TRIM67: variants seen among roughly 807,000 people sequenced by gnomAD.
The protein encoded by TRIM67 is tripartite motif-containing protein 67.
A neutral mutation model predicts 71.0 loss-of-function variants in TRIM67; 39 were observed. The ratio of observed to expected loss-of-function variants is 0.55; its 90% CI spans 0.43 to 0.72. TRIM67 has a LOEUF of 0.72. Among genes scored for constraint, TRIM67 ranks in the 30% least tolerant of loss-of-function variants. TRIM67 has a pLI of 0.00. For missense variants in TRIM67, 973 were observed against 1,079.2 expected, an observed-to-expected ratio of 0.90 and a Z score of 1.38; for synonymous variants, 481 against 473.9, an observed-to-expected ratio of 1.01 and a Z score of -0.19.
At chr1:231,183,914 G>T (rs912223119) in intron 1 of TRIM67, among the ~76,000 whole-genome samples, 46 of 152,230 alleles carry the variant, frequency 3.0e-4, no homozygotes, top group Middle Eastern at 3.4e-3. Flanking sequence ...GGCTCCCAAG[G>T]CTTCCCCAAG....
chr1:231,205,444 G>A (rs925000965), intron 6 of TRIM67, among the ~76,000 whole-genome samples: 43 of 152,180 alleles, frequency 2.8e-4, no homozygotes, highest in African/African-American at 9.9e-4. Flanking sequence ...TATCTTTGGG[G>A]GCCAGGCACG....
Position 231,217,735 on chromosome 1 carries a change from G to T in TRIM67, c.*2295G>T, listed in dbSNP as rs546135584. On this transcript the variant is annotated 3_prime_UTR_variant, in exon 10 of 10. Coordinates refer to ENST00000366653, the MANE Select transcript of TRIM67 (RefSeq NM_001004342.5). ...CAGCCCAGGTCACCAGGTGGCCCCAGCTCTGCAGAAGAATCGCCCATCATT... is the reference window on the plus strand; with the variant it reads ...CAGCCCAGGTCACCAGGTGGCCCCATCTCTGCAGAAGAATCGCCCATCATT... 195 of 1,255,418 alleles carry T rather than the reference G, an allele frequency of 1.6e-4. No individual in the cohort carries two copies. Among genetic ancestry groups the T allele is most frequent in the Non-Finnish European group, 2.0e-4 (191 of 970,312 alleles). The allele number at this position is 1,255,418 out of a possible 1,614,324, so 77.8% of individuals were successfully genotyped here.
At chr1:231,177,505 T>C (rs1682786232) in intron 1 of TRIM67, among the ~76,000 whole-genome samples, 1 of 152,204 alleles carries the variant, frequency 6.6e-6, no homozygotes, top group Admixed American at 6.5e-5. Context: ...ATCCCAGGCT[T>C]GTTCTTGGTG....
chr1:231,216,242 G>C lies in TRIM67; in HGVS notation c.*802G>C. 1.0e-6 allele frequency: 1 copy of C among 964,286 alleles called. No individual in the cohort carries two copies. Among genetic ancestry groups the C allele is most frequent in the Non-Finnish European group, 1.2e-6 (1 of 814,572 alleles). The allele number at this position is 964,286 out of a possible 1,614,324, so 59.7% of individuals were successfully genotyped here. A position where few individuals can be genotyped will look rare whatever the true frequency, so the allele number is the denominator to read the frequency against. On this transcript the variant is annotated 3_prime_UTR_variant, in exon 10 of 10. Coordinates refer to ENST00000366653, the MANE Select transcript of TRIM67 (RefSeq NM_001004342.5). ...TTCTCTCTTACTTTCCTCCATCCCTGCCTCTTTCTTCCCTCTTTCGCTCTC... is the reference window on the plus strand; with the variant it reads ...TTCTCTCTTACTTTCCTCCATCCCTCCCTCTTTCTTCCCTCTTTCGCTCTC...
chr1:231,220,340 GCT>G lies in TRIM67; in HGVS notation c.*4903_*4904del. The G allele has an allele frequency of 5.1e-6, 1 of 196,872 alleles. No individual in the cohort carries two copies. The highest frequency in any genetic ancestry group is 1.1e-5 in the Non-Finnish European group (1 of 94,842). 12.2% of individuals were successfully genotyped at this position (196,872 alleles called of 1,614,324 possible). A position where few individuals can be genotyped will look rare whatever the true frequency, so the allele number is the denominator to read the frequency against. Reference sequence around the variant, plus strand: ...TCCCGGCGAGGCCTGTTTGAATGGCGCTCTGTGTGAGTGCTATGAACAGGCTA... The same window carrying G: ...TCCCGGCGAGGCCTGTTTGAATGGCGCTGTGTGAGTGCTATGAACAGGCTA... On this transcript the variant is annotated 3_prime_UTR_variant, in exon 10 of 10. Transcript: ENST00000366653.
At chr1:231,202,298 GTGGTGGTGGTGC>G (rs1683576395) in intron 5 of TRIM67, among the ~76,000 whole-genome samples, 1 of 103,590 alleles carries the variant, frequency 9.7e-6, no homozygotes, top group Non-Finnish European at 2.2e-5. Context: ...GGCAGTAGTG[GTGGTGGTGGTGC>G]AGGAGGAGGA....
intron 1 of TRIM67, among the ~76,000 whole-genome samples, chr1:231,194,930 A>C (rs1027020650): frequency 5.9e-5 from 9 of 151,904 alleles, no homozygotes; most frequent in African/African-American, 1.9e-4. Flanking sequence ...AGGTCTCTCT[A>C]TGTTGCCCAG....
At chr1:231,208,462 C>T (rs575246032) in intron 7 of TRIM67, among the ~76,000 whole-genome samples, 2 of 152,288 alleles carry the variant, frequency 1.3e-5, no homozygotes, top group East Asian at 3.9e-4. Flanking sequence ...GTGTGAACCA[C>T]CATGCCCGGC....
In TRIM67 at chr1:231,216,925, A is replaced by G. The variant is rs917407252; in HGVS notation, c.*1485A>G. ...GGTAGTAACATTTCTCTCTCCTTTT[A>G]AAAAGAATATATTTTGTCAAGCATT... On this transcript the variant is annotated 3_prime_UTR_variant, in exon 10 of 10. Coordinates refer to ENST00000366653, the MANE Select transcript of TRIM67 (RefSeq NM_001004342.5). 1 of 985,466 alleles carries G rather than the reference A, an allele frequency of 1.0e-6. No individual in the cohort carries two copies. Among genetic ancestry groups the G allele is most frequent in the Non-Finnish European group, 1.2e-6 (1 of 829,946 alleles). 61.0% of individuals were successfully genotyped at this position (985,466 alleles called of 1,614,324 possible).
At chr1:231,199,900 T>C (rs1447259046) in intron 3 of TRIM67, among the ~76,000 whole-genome samples, 1 of 152,186 alleles carries the variant, frequency 6.6e-6, no homozygotes, top group African/African-American at 2.4e-5. Context: ...TGCATGACTA[T>C]CATGAGTTTA....
At chr1:231,173,506 T>C (rs1204159247) in intron 1 of TRIM67, among the ~76,000 whole-genome samples, 1 of 152,210 alleles carries the variant, frequency 6.6e-6, no homozygotes, top group Non-Finnish European at 1.5e-5. Flanking sequence ...CCTTGCAGGA[T>C]TCTGAAGGCA....
rs1271855835 is a variant in TRIM67 at position 231,163,821 on chromosome 1, G to C, written c.852G>C (p.Pro284=). 3 of 1,515,742 alleles carry C rather than the reference G, an allele frequency of 2.0e-6. No individual in the cohort carries two copies. The highest frequency in any genetic ancestry group is 1.3e-5 in the South Asian group (1 of 79,774). 93.9% of individuals were successfully genotyped at this position (1,515,742 alleles called of 1,614,324 possible). ...GCGGAGGCGGCGGCTGCAAGAGCCC[G>C]GGAGGCGCGGGGGCGGGGGCGACTG... ...APSGGGGCKS[P]GGAGAGATGG... Residue 284 remains proline (P), a synonymous_variant, in exon 1 of 10, where the codon CCG becomes CCC. Coordinates refer to ENST00000366653, the MANE Select transcript of TRIM67 (RefSeq NM_001004342.5).
chr1:231,194,576 A>G (rs1683316286), intron 1 of TRIM67, among the ~76,000 whole-genome samples: 1 of 152,202 alleles, frequency 6.6e-6, no homozygotes, highest in African/African-American at 2.4e-5. Context: ...GTCCTTTTCC[A>G]TTGATGGCTA....
intron 1 of TRIM67, among the ~76,000 whole-genome samples, chr1:231,192,815 G>A (rs1250677374): frequency 1.3e-5 from 2 of 152,234 alleles, no homozygotes; most frequent in Non-Finnish European, 2.9e-5. Context: ...AAGCAGTGGA[G>A]GGAAAAATTA....
intron 7 of TRIM67, among the ~76,000 whole-genome samples, 160 bp downstream of exon 7, chr1:231,206,950 G>A (rs74143582): frequency 0.048 from 7,367 of 152,152 alleles, 323 homozygotes; most frequent in African/African-American, 0.12. Flanking sequence ...GACCACAGGC[G>A]GGCTCCCAAA....
intron 8 of TRIM67, among the ~76,000 whole-genome samples, chr1:231,210,688 T>C (rs1481422385): frequency 1.3e-5 from 2 of 151,866 alleles, no homozygotes; most frequent in South Asian, 2.1e-4. Flanking sequence ...ACTCGATGTA[T>C]CTGAGCTCAT....
chr1:231,206,987 C>G (rs1378324064), intron 7 of TRIM67, among the ~76,000 whole-genome samples, 197 bp downstream of exon 7: 2 of 152,130 alleles, frequency 1.3e-5, no homozygotes, highest in African/African-American at 2.4e-5. Context: ...CTAGGGCCAA[C>G]CCACATTTCA....
chr1:231,183,605 C>T (rs112613133), intron 1 of TRIM67, among the ~76,000 whole-genome samples: 6 of 152,110 alleles, frequency 3.9e-5, no homozygotes, highest in African/African-American at 1.4e-4. Flanking sequence ...CAAAATGAGA[C>T]CCCCATCCCT....
chr1:231,211,048 A>ATTTT lies in TRIM67; in HGVS notation c.2123+1799_2123+1800insTTTT, dbSNP rs141477364. 1.1e-3 allele frequency among the ~76,000 whole-genome samples: 142 copies of ATTTT among 131,500 alleles called. 1 individual carries two copies. Among genetic ancestry groups the ATTTT allele is most frequent in the South Asian group, 2.4e-3 (10 of 4,166 alleles). The allele number at this position is 131,500 out of a possible 152,430, so 86.3% of individuals were successfully genotyped here. On this transcript the variant is annotated intron_variant, in intron 8 of 9. Transcript: ENST00000366653. ...AAAAAAAAAATATATATATATATAT[A>ATTTT]TATTTTGTTTGTTTGTTTAATATAT...
Sources: gnomAD v4.1 joint callset for allele counts (sites outside exome capture counted in the v4.1 genomes callset) on GRCh38, gnomAD v4.1.1 for gene constraint, MANE v1.5 for transcripts, NCBI Gene and HGNC (gene_info 2026-07-23, HGNC 2026-07-21) for gene names.